The following TAX1BP3 variants were observed in gnomAD, a reference collection of about 807,000 sequenced individuals.
TAX1BP3 encodes tax1-binding protein 3.
In TAX1BP3, 13 loss-of-function variants were observed where a neutral mutation model predicts 15.3. The observed-to-expected ratio is 0.85, with a 90% CI of 0.55 to 1.35. The LOEUF is 1.35. Ranked by LOEUF, TAX1BP3 falls within the 40% of genes most tolerant of loss-of-function variation. The probability of loss-of-function intolerance (pLI) is 0.00; values close to 1 mark genes in which losing one functional copy is unlikely to be tolerated. For missense variants in TAX1BP3, 147 were observed against 169.6 expected (o/e 0.87, Z 0.74); for synonymous variants, 70 against 66.0 (o/e 1.06, Z -0.30).
chr17:3,664,480 G>C (rs906578381), intron 2 of TAX1BP3, 199 bp downstream of exon 2: 4 of 945,270 alleles, frequency 4.2e-6, no homozygotes, highest in Non-Finnish European at 6.5e-6. Context: ...GCCGCCTCCT[G>C]CTCCTCCTGG....
chr17:3,664,717 G>A lies in TAX1BP3; in HGVS notation c.121C>T (p.Pro41Ser), dbSNP rs764233783. The change falls in exon 2 of 4, where the codon CCT (proline) becomes TCT (serine). Residue 41 changes from proline to serine, a missense_variant. Physicochemically the swap from Pro to Ser is moderately conservative, Grantham distance 74. Transcript: ENST00000225525. ...TCTTCAGAGAAGGGATTCTGGGAAG[G>A]ATCCTGGTCGATTCCACCTCCAATG... The part of the protein sequence containing the change: ...FSIGGGIDQD[P>S]SQNPFSEDKT... 6.2e-7 allele frequency: 1 copy of A among 1,613,798 alleles called. No individual in the cohort carries two copies. The highest frequency in any genetic ancestry group is 8.5e-7 in the Non-Finnish European group (1 of 1,179,924).
chr17:3,664,398 AT>A, intron 2 of TAX1BP3, 126 bp from the exon 3 acceptor site: 1 of 1,162,114 alleles, frequency 8.6e-7, no homozygotes. Context: ...CCCAGCACAT[AT>A]GGTCAGTGAG....
At chr17:3,665,759 A>AG (rs2076333809) in intron 1 of TAX1BP3, 3 of 616,168 alleles carry the variant, frequency 4.9e-6, no homozygotes, top group Middle Eastern at 4.4e-4. Context: ...AAAAAAAAAA[A>AG]AAAAAAGAAA....
At position 3,664,732 on chromosome 17, in the gene TAX1BP3, C is replaced by T; in HGVS notation, c.106G>A (p.Gly36Arg). The change falls in exon 2 of 4, where the codon GGA becomes AGA. Residue 36 changes from glycine (G) to arginine (R), a missense_variant. By Grantham distance (125) the Gly-to-Arg change is moderately radical. Transcript: ENST00000225525. ...NLILGFSIGG[G>R]IDQDPSQNPF... ...TTCTGGGAAGGATCCTGGTCGATTCCACCTCCAATGCTGAAACCCAGGATT... is the reference window on the plus strand; with the variant it reads ...TTCTGGGAAGGATCCTGGTCGATTCTACCTCCAATGCTGAAACCCAGGATT... 9 of 1,613,846 alleles carry T rather than the reference C, an allele frequency of 5.6e-6. No individual in the cohort carries two copies. The highest frequency in any genetic ancestry group is 6.8e-6 in the Non-Finnish European group (8 of 1,179,938).
rs909994222 is a variant in TAX1BP3, at chr17:3,668,156, C to T, written c.39+332G>A. Among the ~76,000 whole-genome samples, 2 of 152,224 alleles carry T rather than the reference C, an allele frequency of 1.3e-5. No homozygotes were observed. The highest frequency in any genetic ancestry group is 4.8e-5 in the African/African-American group (2 of 41,456). ...ATGGACGTCGGGATCGGCGCCCGCCCCCAGCAGCTCCCCGTCTGGGGACAC... is the reference window on the plus strand; with the variant it reads ...ATGGACGTCGGGATCGGCGCCCGCCTCCAGCAGCTCCCCGTCTGGGGACAC... On this transcript the variant is annotated intron_variant, in intron 1 of 3. Coordinates refer to ENST00000225525, the MANE Select transcript of TAX1BP3 (RefSeq NM_014604.4). The surrounding 1 kb of genome is among the most constrained non-coding windows in gnomAD (Gnocchi z 4.1).
At chr17:3,663,996 C>T (rs1186466413) in intron 3 of TAX1BP3, 111 bp from the exon 4 acceptor site, 2 of 1,488,102 alleles carry the variant, frequency 1.3e-6, no homozygotes, top group African/African-American at 1.4e-5. Context: ...CCTAACATCC[C>T]AGGGCTGGGA....
chr17:3,666,686 C>T (rs759281104), intron 1 of TAX1BP3, among the ~76,000 whole-genome samples: 1 of 152,118 alleles, frequency 6.6e-6, no homozygotes, highest in African/African-American at 2.4e-5. Context: ...ATCCAAGACT[C>T]GAGGGAGAGG....
chr17:3,665,017 C>G (rs1343763192), intron 1 of TAX1BP3, among the ~76,000 whole-genome samples: 4 of 152,188 alleles, frequency 2.6e-5, no homozygotes, highest in Non-Finnish European at 4.4e-5. Flanking sequence ...GTCCCCACTT[C>G]CCCTGTTAGT....
At chr17:3,664,639 G>A (rs1212281557) in intron 2 of TAX1BP3, 40 bp downstream of exon 2, 3 of 1,612,226 alleles carry the variant, frequency 1.9e-6, no homozygotes, top group Non-Finnish European at 2.5e-6. Flanking sequence ...TCAGGCCCCT[G>A]TGCCCCATGG....
intron 1 of TAX1BP3, chr17:3,665,636 C>T: frequency 9.0e-7 from 1 of 1,109,778 alleles, no homozygotes; most frequent in Non-Finnish European, 1.3e-6. Flanking sequence ...GGGAAGCACA[C>T]TTTGTGAGAA....
chr17:3,664,005 G>A, intron 3 of TAX1BP3, 120 bp from the exon 4 acceptor site: 4 of 1,476,892 alleles, frequency 2.7e-6, no homozygotes. Flanking sequence ...CCAGGGCTGG[G>A]AGACACCAAG....
chr17:3,665,676 C>G (rs2076331905), intron 1 of TAX1BP3: 2 of 881,670 alleles, frequency 2.3e-6, no homozygotes, highest in African/African-American at 1.8e-5. Flanking sequence ...GCTGCTGGAA[C>G]CTATTCCCTA....
intron 1 of TAX1BP3, 98 bp from the exon 2 acceptor site, chr17:3,664,896 G>C: frequency 6.6e-7 from 1 of 1,517,972 alleles, no homozygotes; most frequent in Non-Finnish European, 8.9e-7. Context: ...CAAGGGGCTG[G>C]GTCCCAGGCC....
rs541918460 is a variant in TAX1BP3 at position 3,666,243 on chromosome 17, C to T, written c.40-1445G>A. Among the ~76,000 whole-genome samples the T allele has an allele frequency of 2.0e-5, 3 of 152,306 alleles. No homozygotes were observed. The East Asian group carries it at 5.8e-4, about 29-fold the overall frequency. ...TTTGAGGGGGTGATGGGTAGCCTGA[C>T]CTTGATCCTGAACCCACTGGAGTTC... On this transcript the variant is annotated intron_variant, in intron 1 of 3. Coordinates refer to ENST00000225525, the MANE Select transcript of TAX1BP3 (RefSeq NM_014604.4).
At chr17:3,664,343 C>T in intron 2 of TAX1BP3, 71 bp from the exon 3 acceptor site, 1 of 1,562,978 alleles carries the variant, frequency 6.4e-7, no homozygotes, top group Non-Finnish European at 8.8e-7. Context: ...CGGAAGCCAG[C>T]ATGGCACATT....
At chr17:3,665,505 A>G (rs1597675820) in intron 1 of TAX1BP3, 1 of 1,371,662 alleles carries the variant, frequency 7.3e-7, no homozygotes, top group South Asian at 1.2e-5. Context: ...TATTGAGCAC[A>G]TAAAGCACTC....
At chr17:3,666,439 T>A (rs1045731916) in intron 1 of TAX1BP3, among the ~76,000 whole-genome samples, 1 of 150,960 alleles carries the variant, frequency 6.6e-6, no homozygotes, top group Non-Finnish European at 1.5e-5. Context: ...AGGAGAGGAG[T>A]CAAGAGGAGC....
In TAX1BP3 at chr17:3,668,017, G is replaced by T. The variant is rs2076359949; in HGVS notation, c.39+471C>A. ...TTGGAGGAGCAAGGCTGGACAGGAA[G>T]GGGGCAGGGGCTGCCACGGCAGGCT... On this transcript the variant is annotated intron_variant, in intron 1 of 3. Coordinates refer to ENST00000225525, the MANE Select transcript of TAX1BP3 (RefSeq NM_014604.4). This position sits in a 1 kb window ranked among gnomAD's most constrained non-coding sequence, Gnocchi z 4.1. Among the ~76,000 whole-genome samples the T allele has an allele frequency of 6.6e-6, 1 of 152,252 alleles. No individual in the cohort carries two copies. Among genetic ancestry groups the T allele is most frequent in the African/African-American group, 2.4e-5 (1 of 41,462 alleles).
At position 3,664,280 on chromosome 17, in the gene TAX1BP3, G is replaced by C; in HGVS notation, c.160-8C>G. 6.2e-7 allele frequency: 1 copy of C among 1,613,912 alleles called. No homozygotes were observed. The highest frequency in any genetic ancestry group is 8.5e-7 in the Non-Finnish European group (1 of 1,180,018). On this transcript the variant is annotated splice_region_variant and splice_polypyrimidine_tract_variant and intron_variant, in intron 2 of 3. Transcript: ENST00000225525. Reference sequence around the variant, plus strand: ...CCGTGTGACATAAATACCCTGGAAAGGGGCAGCCCAAGTCAAGCCCTGTGG... The same window carrying C: ...CCGTGTGACATAAATACCCTGGAAACGGGCAGCCCAAGTCAAGCCCTGTGG...
Sources: gnomAD v4.1 joint callset for allele counts (sites outside exome capture counted in the v4.1 genomes callset) on GRCh38, gnomAD v4.1.1 for gene constraint, Gnocchi (gnomAD v3.1) non-coding constraint, MANE v1.5 for transcripts, NCBI Gene and HGNC (gene_info 2026-07-23, HGNC 2026-07-21) for gene names.